SLC4A10: variants seen among roughly 807,000 people sequenced by gnomAD.
SLC4A10 encodes the protein sodium-driven chloride bicarbonate exchanger.
A neutral mutation model predicts 137.7 loss-of-function variants in SLC4A10; 42 were observed. That is an observed-to-expected ratio of 0.30 (90% CI 0.24 to 0.39). The LOEUF (loss-of-function observed/expected upper bound fraction) is 0.39. Ranked by LOEUF, SLC4A10 falls within the 10% of genes least tolerant of loss-of-function variation. SLC4A10 has a pLI of 1.00. For synonymous variants in SLC4A10, 474 were observed against 464.1 expected (o/e 1.02, Z -0.27); for missense variants, 925 against 1,355.0 (o/e 0.68, Z 4.98).
At chr2:161,949,057 G>C (rs1694335198) in intron 17 of SLC4A10, 91 bp from the exon 18 acceptor site, 1 of 748,920 alleles carries the variant, frequency 1.3e-6, no homozygotes, top group Admixed American at 2.4e-5. Flanking sequence ...ATGTCATAAA[G>C]TGTTTATAAA....
At chr2:161,672,079 C>T (rs551004550) in intron 1 of SLC4A10, among the ~76,000 whole-genome samples, 2 of 152,062 alleles carry the variant, frequency 1.3e-5, no homozygotes, top group East Asian at 1.9e-4. Context: ...ACGATAAGCA[C>T]GTAGGGTACA....
At chr2:161,698,203 T>A (rs1300108550) in intron 1 of SLC4A10, among the ~76,000 whole-genome samples, 17 of 152,236 alleles carry the variant, frequency 1.1e-4, no homozygotes, top group Admixed American at 1.1e-3. Flanking sequence ...TAAGGAGATT[T>A]TGGGCTGAGA....
At chr2:161,788,046 A>C (rs1275979297) in intron 2 of SLC4A10, among the ~76,000 whole-genome samples, 1 of 151,522 alleles carries the variant, frequency 6.6e-6, no homozygotes, top group Non-Finnish European at 1.5e-5. Flanking sequence ...TAAGTTTTGA[A>C]TTTGCTATTG....
chr2:161,926,386 GTTTTTTTTTTT>G (rs1174458600), intron 15 of SLC4A10, among the ~76,000 whole-genome samples: 10 of 22,924 alleles, frequency 4.4e-4, no homozygotes, highest in Non-Finnish European at 8.1e-4. Flanking sequence ...CCTTTTTTTG[GTTTTTTTTTTT>G]TTTTTTTTTT....
intron 1 of SLC4A10, among the ~76,000 whole-genome samples, chr2:161,760,642 A>G (rs969264518): frequency 3.9e-5 from 6 of 152,060 alleles, no homozygotes; most frequent in Admixed American, 2.0e-4. Context: ...AGATTCATTT[A>G]TCTTTTAAAA....
At chr2:161,693,197 G>A (rs981048989) in intron 1 of SLC4A10, among the ~76,000 whole-genome samples, 2 of 152,046 alleles carry the variant, frequency 1.3e-5, no homozygotes, top group African/African-American at 4.8e-5. Flanking sequence ...GGGAAAGGGA[G>A]CATCTTGGTT....
chr2:161,913,191 T>C (rs541156175), intron 15 of SLC4A10, among the ~76,000 whole-genome samples: 5 of 152,308 alleles, frequency 3.3e-5, no homozygotes, highest in Admixed American at 3.3e-4. Context: ...GGAGTATAAT[T>C]TACCTGTAGT....
intron 5 of SLC4A10, among the ~76,000 whole-genome samples, chr2:161,860,743 A>G (rs879711272): frequency 2.6e-5 from 4 of 152,162 alleles, no homozygotes; most frequent in Non-Finnish European, 5.9e-5. Flanking sequence ...CTGACTTTCA[A>G]ACATTCCAGG....
At chr2:161,674,136 C>A (rs541268130) in intron 1 of SLC4A10, among the ~76,000 whole-genome samples, 1 of 152,250 alleles carries the variant, frequency 6.6e-6, no homozygotes, top group East Asian at 1.9e-4. Context: ...GATACGTATT[C>A]ATTTGTCAAC....
chr2:161,840,818 A>G (rs1162489514), intron 4 of SLC4A10, among the ~76,000 whole-genome samples: 1 of 152,198 alleles, frequency 6.6e-6, no homozygotes, highest in Non-Finnish European at 1.5e-5. Context: ...TAGACTTAGT[A>G]GGCCTCAGGC....
At chr2:161,819,574 A>C (rs1325679943) in intron 3 of SLC4A10, among the ~76,000 whole-genome samples, 1 of 151,510 alleles carries the variant, frequency 6.6e-6, no homozygotes, top group East Asian at 1.9e-4. Context: ...GGCTCACTGC[A>C]ACCTCTGCCT....
At chr2:161,679,674 A>G (rs1413139142) in intron 1 of SLC4A10, among the ~76,000 whole-genome samples, 1 of 125,870 alleles carries the variant, frequency 7.9e-6, no homozygotes, top group African/African-American at 3.2e-5. Flanking sequence ...TTTAACCTCA[A>G]TTGTAGGTCA....
At chr2:161,954,360 T>G (rs1695301945) in intron 19 of SLC4A10, among the ~76,000 whole-genome samples, 1 of 152,204 alleles carries the variant, frequency 6.6e-6, no homozygotes, top group Non-Finnish European at 1.5e-5. Context: ...TTGGTTTTAG[T>G]GGGGTCTGGT....
intron 13 of SLC4A10, among the ~76,000 whole-genome samples, chr2:161,904,505 G>C (rs1217652669): frequency 6.6e-6 from 1 of 152,182 alleles, no homozygotes; most frequent in African/African-American, 2.4e-5. Context: ...TTTCTGTCCA[G>C]ACACTAATCC....
chr2:161,816,018 TA>T (rs1460179965), intron 3 of SLC4A10, among the ~76,000 whole-genome samples: 8 of 152,306 alleles, frequency 5.3e-5, no homozygotes, highest in African/African-American at 1.9e-4. Flanking sequence ...TCAGTTTCTC[TA>T]GTACTAATCT....
At chr2:161,721,446 C>T (rs539573642) in intron 1 of SLC4A10, among the ~76,000 whole-genome samples, 4 of 152,144 alleles carry the variant, frequency 2.6e-5, no homozygotes. Flanking sequence ...ACTTATGAAG[C>T]GTGGTTTAGC....
intron 3 of SLC4A10, among the ~76,000 whole-genome samples, chr2:161,805,750 T>G (rs1428490140): frequency 6.6e-6 from 1 of 152,222 alleles, no homozygotes; most frequent in Non-Finnish European, 1.5e-5. Context: ...ATAGCCCACC[T>G]CCTGGCTGCT....
chr2:161,708,966 T>C (rs1172391827), intron 1 of SLC4A10: 6 of 1,013,392 alleles, frequency 5.9e-6, no homozygotes, highest in Non-Finnish European at 6.9e-6. Context: ...ACAAGTAAGA[T>C]TTATGGCAGC....
At chr2:161,716,787 C>A (rs1463472018) in intron 1 of SLC4A10, among the ~76,000 whole-genome samples, 2 of 151,990 alleles carry the variant, frequency 1.3e-5, no homozygotes, top group African/African-American at 4.8e-5. Flanking sequence ...CTTGACTATA[C>A]CAGCTCTTTT....
Sources: allele counts gnomAD v4.1 joint callset (sites outside exome capture counted in the v4.1 genomes callset), GRCh38; gene constraint gnomAD v4.1.1; transcripts MANE v1.5; gene names NCBI Gene and HGNC (gene_info 2026-07-23, HGNC 2026-07-21).